The following BTD variants were observed in gnomAD, a reference collection of about 807,000 sequenced individuals.
BTD encodes biocytinase.
BTD carries 13 observed loss-of-function variants against 17.7 expected under a neutral mutation model. That is an observed-to-expected ratio of 0.74 (90% CI 0.48 to 1.17). BTD has a LOEUF of 1.17. Ranked by LOEUF, BTD falls within the 50% of genes most tolerant of loss-of-function variation. The pLI is 0.00. For missense variants in BTD, 674 were observed against 650.4 expected, an observed-to-expected ratio of 1.04 and a Z score of -0.39; for synonymous variants, 240 against 245.2, an observed-to-expected ratio of 0.98 and a Z score of 0.20.
chr3:15,702,447 A>G (rs1352182709), intron 3 of BTD, among the ~76,000 whole-genome samples: 1 of 152,232 alleles, frequency 6.6e-6, no homozygotes, highest in African/African-American at 2.4e-5. Context: ...AAGATTCTCC[A>G]TAATCTGTCC....
intron 3 of BTD, among the ~76,000 whole-genome samples, chr3:15,658,784 C>A (rs80026495): frequency 0.11 from 16,888 of 152,192 alleles, 1,217 homozygotes; most frequent in East Asian, 0.39. Context: ...TGAGTACTTA[C>A]TATGTCACTC....
chr3:15,638,839 C>T (rs1249354337), intron 2 of BTD, among the ~76,000 whole-genome samples: 1 of 152,174 alleles, frequency 6.6e-6, no homozygotes, highest in Non-Finnish European at 1.5e-5. Context: ...CTGTACTGAA[C>T]ACTGTAGGCA....
chr3:15,613,477 T>C (rs2064695255), intron 1 of BTD, among the ~76,000 whole-genome samples: 1 of 152,104 alleles, frequency 6.6e-6, no homozygotes, highest in South Asian at 2.1e-4. Context: ...TCTCCCAGCT[T>C]TCTATTCCCC....
At chr3:15,637,096 G>A (rs751313274) in intron 2 of BTD, among the ~76,000 whole-genome samples, 6 of 152,024 alleles carry the variant, frequency 3.9e-5, no homozygotes, top group South Asian at 2.1e-4. Context: ...CCCTTATCAC[G>A]GCATGCCATC....
intron 1 of BTD, among the ~76,000 whole-genome samples, chr3:15,618,596 G>A (rs1382424582): frequency 6.6e-6 from 1 of 151,986 alleles, no homozygotes; most frequent in Non-Finnish European, 1.5e-5. Context: ...TGCGATCTCG[G>A]CTCACTGCAA....
intron 3 of BTD, among the ~76,000 whole-genome samples, chr3:15,643,969 A>AATTTATTT (rs72529474): frequency 3.6e-5 from 5 of 138,014 alleles, no homozygotes; most frequent in African/African-American, 7.9e-5. Flanking sequence ...TCATTTATTT[A>AATTTATTT]ATTTATTTAT....
At chr3:15,662,744 C>T (rs1575042091) in intron 3 of BTD, among the ~76,000 whole-genome samples, 1 of 152,270 alleles carries the variant, frequency 6.6e-6, no homozygotes, top group Middle Eastern at 3.4e-3. Context: ...AAGCAATCCT[C>T]CCACCTCACC....
rs1379712905 is a variant in BTD at position 15,647,584 on chromosome 3, C to T, written c.*2096C>T. ...TTTTTACAATTAAAAGAAGTAGCTG[C>T]CAGATGACAGAACAAAGTAGAGGAC... On this transcript the variant is annotated 3_prime_UTR_variant, in exon 4 of 4. Transcript: ENST00000643237. 1 of 152,116 alleles carries T rather than the reference C, an allele frequency of 6.6e-6. No homozygotes were observed. The highest frequency in any genetic ancestry group is 1.5e-5 in the Non-Finnish European group (1 of 68,020). 9.4% of individuals were successfully genotyped at this position (152,116 alleles called of 1,614,324 possible). A position where few individuals can be genotyped will look rare whatever the true frequency, so the allele number is the denominator to read the frequency against.
At chr3:15,721,961 T>C (rs1297935998) in exon 5 of BTD, among the ~76,000 whole-genome samples, 1 of 152,186 alleles carries the variant, frequency 6.6e-6, no homozygotes, top group Non-Finnish European at 1.5e-5. Flanking sequence ...GCCAGGCTGG[T>C]CCTGAACTCT....
intron 1 of BTD, chr3:15,602,274 C>A: frequency 3.3e-6 from 4 of 1,219,858 alleles, no homozygotes; most frequent in Non-Finnish European, 4.1e-6. Context: ...CACTATTCAG[C>A]CATTGGGTCA....
intron 3 of BTD, chr3:15,686,572 G>A: frequency 2.2e-6 from 1 of 456,118 alleles, no homozygotes; most frequent in East Asian, 4.6e-5. Context: ...CTAAAAGAAT[G>A]CTCATTTTAT....
chr3:15,657,541 G>A (rs937826611), downstream of BTD, among the ~76,000 whole-genome samples: 81 of 152,284 alleles, frequency 5.3e-4, no homozygotes, highest in African/African-American at 1.9e-3. Context: ...TTTGTACATG[G>A]GAAATTAATG....
At chr3:15,671,218 G>C (rs933291021) in intron 3 of BTD, among the ~76,000 whole-genome samples, 1 of 151,860 alleles carries the variant, frequency 6.6e-6, no homozygotes, top group Non-Finnish European at 1.5e-5. Flanking sequence ...TTTTTTAAGC[G>C]GAAGACAACT....
rs1438651748 is a variant in BTD, at chr3:15,662,006, ACT to A, written c.399+19950_399+19951del. ...CTGTCCATTCTTTGACCAATACCACACTGTCTTGATTACTGTAGTTTTATAGT... is the reference window on the plus strand; with the variant it reads ...CTGTCCATTCTTTGACCAATACCACAGTCTTGATTACTGTAGTTTTATAGT... On this transcript the variant is annotated intron_variant, in intron 3 of 3. Transcript: ENST00000672141. Among the ~76,000 whole-genome samples, 3 of 152,174 alleles carry A rather than the reference ACT, an allele frequency of 2.0e-5. No homozygotes were observed. The East Asian group carries it at 5.8e-4, about 29-fold the overall frequency.
chr3:15,624,633 T>TA (rs906781437), intron 1 of BTD, among the ~76,000 whole-genome samples: 1 of 152,148 alleles, frequency 6.6e-6, no homozygotes. Flanking sequence ...TGTTGTTTTT[T>TA]TTTTCAGTAG....
rs1575030932 is a variant in BTD at position 15,645,152 on chromosome 3, C to T, written c.1236C>T (p.Thr412=). 6.2e-7 allele frequency: 1 copy of T among 1,614,196 alleles called. No homozygotes were observed. The highest frequency in any genetic ancestry group is 8.5e-7 in the Non-Finnish European group (1 of 1,180,036). ...LCCYLLYERP[T]LSKELYALGV... is the part of the protein sequence containing the mutation. ...GTTATTTACTTTACGAGAGGCCCAC[C>T]TTATCCAAAGAGCTGTATGCCCTGG... is the stretch of plus-strand genomic sequence containing the variant. The change falls in exon 4 of 4, where the codon ACC becomes ACT. Residue 412 remains threonine, a synonymous_variant. Transcript: ENST00000643237.
chr3:15,654,001 C>T (rs9310482), downstream of BTD, among the ~76,000 whole-genome samples: 25,594 of 152,166 alleles, frequency 0.17, 2,949 homozygotes, highest in East Asian at 0.43. Context: ...GGATTACAGG[C>T]GTGAGCCACT....
intron 3 of BTD, chr3:15,668,179 G>A (rs1490954699): frequency 1.3e-5 from 2 of 152,136 alleles, no homozygotes; most frequent in East Asian, 3.8e-4. Context: ...AAGTGTTCAA[G>A]GTGGAAAGAT....
chr3:15,629,049 G>A (rs2065139079), intron 1 of BTD, among the ~76,000 whole-genome samples: 1 of 152,094 alleles, frequency 6.6e-6, no homozygotes, highest in African/African-American at 2.4e-5. Context: ...TTTCCTTCTA[G>A]TTTGAGTGTT....
Sources: allele counts gnomAD v4.1 joint callset (sites outside exome capture counted in the v4.1 genomes callset), GRCh38; gene constraint gnomAD v4.1.1; transcripts MANE v1.5; gene names NCBI Gene and HGNC (gene_info 2026-07-23, HGNC 2026-07-21).